The following CPPED1 variants were observed in gnomAD, a reference collection of about 807,000 sequenced individuals.
The protein encoded by CPPED1 is serine/threonine-protein phosphatase CPPED1.
In CPPED1, 28 loss-of-function variants were observed where a neutral mutation model predicts 28.0. That is an observed-to-expected ratio of 1.00 (90% CI 0.74 to 1.37). The LOEUF (loss-of-function observed/expected upper bound fraction) is 1.37. Among genes scored for constraint, CPPED1 ranks in the 40% most tolerant of loss-of-function variants. The probability of loss-of-function intolerance (pLI) is 0.00; values close to 1 mark genes in which losing one functional copy is unlikely to be tolerated. For synonymous variants in CPPED1, 198 were observed against 180.2 expected (o/e 1.10, Z -0.79); for missense variants, 504 against 416.5 (o/e 1.21, Z -1.83).
intron 2 of CPPED1, among the ~76,000 whole-genome samples, chr16:12,750,953 G>A (rs527319639): frequency 6.6e-6 from 1 of 151,924 alleles, no homozygotes; most frequent in East Asian, 1.9e-4. Context: ...GGGTGACAGA[G>A]CAAGACTCTG....
intron 3 of CPPED1, among the ~76,000 whole-genome samples, chr16:12,683,094 A>G (rs894921310): frequency 1.3e-5 from 2 of 152,310 alleles, no homozygotes; most frequent in Admixed American, 1.3e-4. Context: ...TTTGCTAGGG[A>G]GAAAGTGCCC....
At chr16:12,691,781 G>A (rs1400891183) in intron 3 of CPPED1, among the ~76,000 whole-genome samples, 1 of 127,632 alleles carries the variant, frequency 7.8e-6, no homozygotes, top group Non-Finnish European at 1.6e-5. Flanking sequence ...ATGGACACAG[G>A]AAGGGGAACA....
intron 2 of CPPED1, among the ~76,000 whole-genome samples, chr16:12,762,208 C>T (rs2080413894): frequency 6.6e-6 from 1 of 152,178 alleles, no homozygotes; most frequent in South Asian, 2.1e-4. Context: ...CTTAAATTTC[C>T]ACATTAAAAA....
intron 2 of CPPED1, among the ~76,000 whole-genome samples, chr16:12,731,661 G>A (rs1450255335): frequency 1.3e-5 from 2 of 151,510 alleles, no homozygotes; most frequent in African/African-American, 4.8e-5. Flanking sequence ...GGTGAAGGCC[G>A]TGGGCGAGAA....
intron 3 of CPPED1, among the ~76,000 whole-genome samples, chr16:12,687,765 G>A (rs2079940933): frequency 1.3e-5 from 2 of 152,100 alleles, no homozygotes; most frequent in South Asian, 4.1e-4. Context: ...GTGTATTGAT[G>A]GATTAATCAC....
Position 12,744,181 on chromosome 16 carries a change from C to T in CPPED1, c.289+37004G>A, listed in dbSNP as rs561373506. ...GTCCCAGCTATTTGGGAGGCTGAGG[C>T]AGGAGAATGGCGTGAACCCAGGAGG... On this transcript the variant is annotated intron_variant, in intron 2 of 3. Coordinates refer to ENST00000381774, the MANE Select transcript of CPPED1 (RefSeq NM_018340.3). Among the ~76,000 whole-genome samples, 15 of 151,718 alleles carry T rather than the reference C, an allele frequency of 9.9e-5. No individual in the cohort carries two copies. In the East Asian group the frequency reaches 2.7e-3, roughly 28 times the overall value.
chr16:12,742,740 C>T (rs1205731731), intron 2 of CPPED1, among the ~76,000 whole-genome samples: 1 of 152,132 alleles, frequency 6.6e-6, no homozygotes, highest in African/African-American at 2.4e-5. Context: ...GGGGAAACGA[C>T]AGTTGTTGGG....
At chr16:12,708,499 T>C (rs2080063326) in intron 2 of CPPED1, among the ~76,000 whole-genome samples, 1 of 152,192 alleles carries the variant, frequency 6.6e-6, no homozygotes, top group African/African-American at 2.4e-5. Context: ...ATGTAATAAA[T>C]TCTTCCATTT....
chr16:12,718,756 AG>A lies in CPPED1; in HGVS notation c.290-13708del, dbSNP rs1297013376. Among the ~76,000 whole-genome samples, 4 of 152,138 alleles carry A rather than the reference AG, an allele frequency of 2.6e-5. No homozygotes were observed. The East Asian group carries it at 7.8e-4, about 30-fold the overall frequency. ...GGTGGGCAGATCACTTGAGGTCAGG[AG>A]TTCAAGACCAGCCTGGCCAATATGG... is the stretch of plus-strand genomic sequence containing the variant. On this transcript the variant is annotated intron_variant, in intron 2 of 3. Coordinates refer to ENST00000381774, the MANE Select transcript of CPPED1 (RefSeq NM_018340.3).
chr16:12,746,323 G>C (rs2080287579), intron 2 of CPPED1, among the ~76,000 whole-genome samples: 2 of 143,260 alleles, frequency 1.4e-5, no homozygotes, highest in African/African-American at 5.2e-5. Context: ...ACAGTGAGCT[G>C]AGAGTGTACC....
chr16:12,678,665 T>C (rs779398526), intron 3 of CPPED1, among the ~76,000 whole-genome samples: 3 of 152,222 alleles, frequency 2.0e-5, no homozygotes, highest in Non-Finnish European at 4.4e-5. Context: ...AATTGAATTA[T>C]TTTTGTAATT....
intron 1 of CPPED1, among the ~76,000 whole-genome samples, chr16:12,788,946 G>C (rs902506841): frequency 2.0e-5 from 3 of 152,224 alleles, no homozygotes; most frequent in Non-Finnish European, 4.4e-5. Flanking sequence ...TCTCCTGTGA[G>C]TGCTCAGTGG....
chr16:12,729,384 G>A lies in CPPED1; in HGVS notation c.290-24335C>T, dbSNP rs532315544. Among the ~76,000 whole-genome samples the A allele has an allele frequency of 3.3e-5, 5 of 152,256 alleles. 1 individual carries two copies. The highest frequency in any genetic ancestry group is 1.2e-4 in the African/African-American group (5 of 41,544). On this transcript the variant is annotated intron_variant, in intron 2 of 3. Transcript: ENST00000381774. ...CTTGAAGAACGTGATCAGCTTAAAT[G>A]TCCATATAATTGTATACAAAGATTT...
chr16:12,734,057 CGTTTT>C (rs2080213364), intron 2 of CPPED1, among the ~76,000 whole-genome samples: 2 of 102,978 alleles, frequency 1.9e-5, no homozygotes, highest in Admixed American at 1.1e-4. Context: ...TCAAATTACA[CGTTTT>C]TTTTTTTTTT....
intron 1 of CPPED1, among the ~76,000 whole-genome samples, chr16:12,796,826 A>ATCTGGGTC (rs2080630532): frequency 6.6e-6 from 1 of 152,222 alleles, no homozygotes; most frequent in Admixed American, 6.5e-5. Context: ...CAGATGCGTG[A>ATCTGGGTC]AATGTCCATC....
chr16:12,706,574 A>C (rs1017428398), intron 2 of CPPED1, among the ~76,000 whole-genome samples: 9 of 150,976 alleles, frequency 6.0e-5, no homozygotes, highest in Non-Finnish European at 1.0e-4. Flanking sequence ...AAAAAAAAAA[A>C]AACTCAAAGA....
At chr16:12,748,879 T>C (rs1053175319) in intron 2 of CPPED1, among the ~76,000 whole-genome samples, 9 of 78,902 alleles carry the variant, frequency 1.1e-4, no homozygotes, top group Non-Finnish European at 2.7e-4. Flanking sequence ...CGAGACTCCA[T>C]CTCAAAAAAA....
At chr16:12,690,651 C>T (rs2079957542) in intron 3 of CPPED1, among the ~76,000 whole-genome samples, 1 of 130,788 alleles carries the variant, frequency 7.6e-6, no homozygotes. Context: ...ACAGTGAGAT[C>T]TAGTTTCTAC....
intron 2 of CPPED1, among the ~76,000 whole-genome samples, chr16:12,712,728 G>C (rs1279910285): frequency 2.0e-5 from 3 of 152,064 alleles, no homozygotes; most frequent in East Asian, 1.9e-4. Flanking sequence ...AGAGCTAGTA[G>C]TACGACACAA....
Sources: allele counts gnomAD v4.1 joint callset (sites outside exome capture counted in the v4.1 genomes callset), GRCh38; gene constraint gnomAD v4.1.1; transcripts MANE v1.5; gene names NCBI Gene and HGNC (gene_info 2026-07-23, HGNC 2026-07-21).